The following TP53AIP1 variants were observed in gnomAD, a reference collection of about 807,000 sequenced individuals.
The protein encoded by TP53AIP1 is p53-regulated apoptosis-inducing protein 1.
Under a neutral mutation model 9.5 loss-of-function variants are expected in TP53AIP1, and 14 were observed. That is an observed-to-expected ratio of 1.47 (90% CI 0.97 to 2.30). TP53AIP1 has a LOEUF of 2.30. TP53AIP1 is among the 30% of genes most tolerant of loss of function. The pLI is 0.00. For synonymous variants in TP53AIP1, 73 were observed against 61.2 expected (o/e 1.19, Z -0.90); for missense variants, 153 against 146.7 (o/e 1.04, Z -0.22).
chr11:128,941,317 T>C (rs1428201256), intron 1 of TP53AIP1, among the ~76,000 whole-genome samples: 1 of 152,162 alleles, frequency 6.6e-6, no homozygotes. Flanking sequence ...CCATGGGTTC[T>C]CTGAGACGGA....
Position 128,935,587 on chromosome 11 carries a change from C to A in TP53AIP1, c.*4G>T. 2 of 1,558,172 alleles carry A rather than the reference C, an allele frequency of 1.3e-6. No homozygotes were observed. Among genetic ancestry groups the A allele is most frequent in the South Asian group, 1.2e-5 (1 of 85,482 alleles). Reference sequence around the variant, plus strand: ...AGGCTGGAGTGCAGTGGCGTGATCTCGGCTCACTGCAACCTCAACGGTGCT... The same window carrying A: ...AGGCTGGAGTGCAGTGGCGTGATCTAGGCTCACTGCAACCTCAACGGTGCT... On this transcript the variant is annotated 3_prime_UTR_variant, in exon 4 of 4. Coordinates refer to ENST00000531399, the MANE Select transcript of TP53AIP1 (RefSeq NM_022112.3).
chr11:128,935,685 AAAGGC>A lies in TP53AIP1; in HGVS notation c.276_280del (p.Arg92SerfsTer9). On this transcript the variant is annotated frameshift_variant, in exon 4 of 4. Transcript: ENST00000531399. LOFTEE classifies it low-confidence loss of function (END_TRUNC). Reference sequence around the variant, plus strand: ...TCTAAGCACTGTGGCTCCAGGAAGGAAAGGCCTGGAGAGACCTAGACCAAGGCCTC... The same window carrying A: ...TCTAAGCACTGTGGCTCCAGGAAGGACTGGAGAGACCTAGACCAAGGCCTC... 6.3e-7 allele frequency: 1 copy of A among 1,583,474 alleles called. No homozygotes were observed. Among genetic ancestry groups the A allele is most frequent in the Non-Finnish European group, 8.5e-7 (1 of 1,172,412 alleles).
chr11:128,935,522 G>C lies in TP53AIP1; in HGVS notation c.*69C>G. The C allele has an allele frequency of 2.6e-6, 4 of 1,511,928 alleles. No homozygotes were observed. Among genetic ancestry groups the C allele is most frequent in the Non-Finnish European group, 3.5e-6 (4 of 1,135,626 alleles). The allele number at this position is 1,511,928 out of a possible 1,614,324, so 93.7% of individuals were successfully genotyped here. ...TCTCGACGGTGCTTTCTGTTTGTTT[G>C]TTTGTTTTTGTTTTGAGATGGAGTC... On this transcript the variant is annotated 3_prime_UTR_variant, in exon 4 of 4. Transcript: ENST00000531399.
chr11:128,934,929 G>A (rs1163653976), downstream of TP53AIP1: 9 of 696,960 alleles, frequency 1.3e-5, no homozygotes, highest in Non-Finnish European at 2.1e-5. Context: ...GGGAAGCTGG[G>A]GGATTTACAC....
Position 128,937,801 on chromosome 11 carries a change from C to A in TP53AIP1, c.18G>T (p.Glu6Asp). 5.0e-6 allele frequency: 8 copies of A among 1,611,396 alleles called. No homozygotes were observed. The highest frequency in any genetic ancestry group is 6.8e-6 in the Non-Finnish European group (8 of 1,178,802). ...AAGCTTGAGCAGATCTGAAGCTCGC[C>A]TCAGAGGAAGATCCCATCCAGGGGA... MGSSSEASFRSAQASC... is the reference protein window; with the variant it reads MGSSSDASFRSAQASC... Residue 6 changes from glutamate (E) to aspartate (D), a missense_variant, in exon 2 of 4, where the codon GAG (glutamate) becomes GAT (aspartate). Coordinates refer to ENST00000531399, the MANE Select transcript of TP53AIP1 (RefSeq NM_022112.3). This position sits in a 1 kb window ranked among gnomAD's most constrained non-coding sequence, Gnocchi z 4.8.
At chr11:128,936,382 A>G in intron 3 of TP53AIP1, 156 bp downstream of exon 3, 1 of 1,419,596 alleles carries the variant, frequency 7.0e-7, no homozygotes, top group Non-Finnish European at 9.1e-7. Flanking sequence ...GCAGTTTACA[A>G]CTCTGCCATG....
Position 128,937,917 on chromosome 11 carries a change from A to G in TP53AIP1, c.-76-23T>C, listed in dbSNP as rs573486718. 1.0e-5 allele frequency: 13 copies of G among 1,303,886 alleles called. No individual in the cohort carries two copies. The South Asian group carries it at 1.4e-4, about 14-fold the overall frequency. 80.8% of individuals were successfully genotyped at this position (1,303,886 alleles called of 1,614,324 possible). ...GGACTAAAAACAAACAAAACAGGCT[A>G]TGAACAGAAGCAGTGGTGGCAGCGC... On this transcript the variant is annotated intron_variant, in intron 1 of 3. Coordinates refer to ENST00000531399, the MANE Select transcript of TP53AIP1 (RefSeq NM_022112.3). The surrounding 1 kb of genome is among the most constrained non-coding windows in gnomAD (Gnocchi z 4.8).
Position 128,935,690 on chromosome 11 carries a change from C to A in TP53AIP1, c.276G>T (p.Arg92Ser). Residue 92 changes from arginine to serine, a missense_variant, in exon 4 of 4, where the codon AGG (arginine) becomes AGT (serine). Coordinates refer to ENST00000531399, the MANE Select transcript of TP53AIP1 (RefSeq NM_022112.3). ...GCACTGTGGCTCCAGGAAGGAAAGG[C>A]CTGGAGAGACCTAGACCAAGGCCTC... ...ILTGLGLGLSRPFLPGATVLR... is the reference protein window; with the variant it reads ...ILTGLGLGLSSPFLPGATVLR... 2 of 1,580,828 alleles carry A rather than the reference C, an allele frequency of 1.3e-6. No individual in the cohort carries two copies. Among genetic ancestry groups the A allele is most frequent in the Non-Finnish European group, 1.7e-6 (2 of 1,171,106 alleles).
rs529476381 is a variant in TP53AIP1, at chr11:128,936,940, G to A, written c.142-291C>T. On this transcript the variant is annotated intron_variant, in intron 2 of 3. Transcript: ENST00000531399. ...TTCCTCCCTCCCATCACCACAGCTC[G>A]GGGCTTTGTCACCCCAGCACACCTG... 1.3e-4 allele frequency: 158 copies of A among 1,176,998 alleles called. No individual in the cohort carries two copies. The South Asian group carries it at 2.8e-3, about 21-fold the overall frequency. 72.9% of individuals were successfully genotyped at this position (1,176,998 alleles called of 1,614,324 possible). A position where few individuals can be genotyped will look rare whatever the true frequency, so the allele number is the denominator to read the frequency against.
rs1308929323 is a variant in TP53AIP1 at position 128,939,277 on chromosome 11, C to T, written c.-76-1383G>A. On this transcript the variant is annotated intron_variant, in intron 1 of 3. Coordinates refer to ENST00000531399, the MANE Select transcript of TP53AIP1 (RefSeq NM_022112.3). This position sits in a 1 kb window ranked among gnomAD's most constrained non-coding sequence, Gnocchi z 4.1. ...CCAGGAGACCACAGGCCCTGGACTC[C>T]CAAATCCCAGCAGCAATGCAAAGCC... Among the ~76,000 whole-genome samples, 1 of 152,196 alleles carries T rather than the reference C, an allele frequency of 6.6e-6. No individual in the cohort carries two copies. The highest frequency in any genetic ancestry group is 1.5e-5 in the Non-Finnish European group (1 of 68,038).
At position 128,937,470 on chromosome 11, in the gene TP53AIP1, T is replaced by C. The variant is rs760201934; in HGVS notation, c.141+208A>G. On this transcript the variant is annotated intron_variant, in intron 2 of 3. Transcript: ENST00000531399. The surrounding 1 kb of genome is among the most constrained non-coding windows in gnomAD (Gnocchi z 4.8). ...AGGAGGAGGAGGGCTGGCCTTCCTC[T>C]TGGGACTATTGATCAGGGCTGTCAG... 6.5e-7 allele frequency: 1 copy of C among 1,541,282 alleles called. No individual in the cohort carries two copies. The highest frequency in any genetic ancestry group is 8.8e-7 in the Non-Finnish European group (1 of 1,141,458).
rs950698532 is a variant in TP53AIP1 at position 128,941,216 on chromosome 11, C to T, written c.-77+1578G>A. Among the ~76,000 whole-genome samples, 3 of 152,160 alleles carry T rather than the reference C, an allele frequency of 2.0e-5. No individual in the cohort carries two copies. The South Asian group carries it at 6.2e-4, about 32-fold the overall frequency. The stretch of plus-strand genomic sequence containing the variant: ...TCTGCCGAACAGCTCCTGGGGAAAG[C>T]CCACCACTGTCTTCTTGCCCCGCTC... On this transcript the variant is annotated intron_variant, in intron 1 of 3. Transcript: ENST00000531399.
At chr11:128,940,974 G>T (rs189034266) in intron 1 of TP53AIP1, among the ~76,000 whole-genome samples, 25 of 152,328 alleles carry the variant, frequency 1.6e-4, no homozygotes, top group African/African-American at 5.1e-4. Flanking sequence ...CCCGACTTTG[G>T]AGTAGTCTGA....
chr11:128,937,444 G>T lies in TP53AIP1; in HGVS notation c.141+234C>A. The T allele has an allele frequency of 1.4e-6, 2 of 1,478,388 alleles. No individual in the cohort carries two copies. Among genetic ancestry groups the T allele is most frequent in the Non-Finnish European group, 1.8e-6 (2 of 1,114,106 alleles). 91.6% of individuals were successfully genotyped at this position (1,478,388 alleles called of 1,614,324 possible). ...CTGCCTCCTAGAAACCCAGGATTCC[G>T]AGGAGGAGGAGGGCTGGCCTTCCTC... On this transcript the variant is annotated intron_variant, in intron 2 of 3. Coordinates refer to ENST00000531399, the MANE Select transcript of TP53AIP1 (RefSeq NM_022112.3). The surrounding 1 kb of genome is among the most constrained non-coding windows in gnomAD (Gnocchi z 4.8).
At position 128,937,641 on chromosome 11, in the gene TP53AIP1, GC is replaced by G. The variant is rs1170777445; in HGVS notation, c.141+36del. ...CAGAGTCTGCCCGGGGCTGTGGCAG[GC>G]AAAAGACCGTCTCGGTTTTCACTGC... On this transcript the variant is annotated intron_variant, in intron 2 of 3. Coordinates refer to ENST00000531399, the MANE Select transcript of TP53AIP1 (RefSeq NM_022112.3). The surrounding 1 kb of genome is among the most constrained non-coding windows in gnomAD (Gnocchi z 4.8). 2 of 1,614,052 alleles carry G rather than the reference GC, an allele frequency of 1.2e-6. No homozygotes were observed. The highest frequency in any genetic ancestry group is 3.3e-5 in the Admixed American group (2 of 60,010).
At chr11:128,938,864 G>A (rs1944888222) in intron 1 of TP53AIP1, among the ~76,000 whole-genome samples, 1 of 152,176 alleles carries the variant, frequency 6.6e-6, no homozygotes, top group Non-Finnish European at 1.5e-5. Context: ...TCTCAGGGCA[G>A]CAGGGAGTGG....
rs1944867072 is a variant in TP53AIP1, at chr11:128,937,995, G to T, written c.-76-101C>A. The T allele has an allele frequency of 2.7e-6, 2 of 736,364 alleles. No individual in the cohort carries two copies. The highest frequency in any genetic ancestry group is 4.3e-6 in the Non-Finnish European group (2 of 464,468). The allele number at this position is 736,364 out of a possible 1,614,324, so 45.6% of individuals were successfully genotyped here. Reference sequence around the variant, plus strand: ...TAGGGTTTCAGTTGTACTTGGATCTGGGAGGGGGAAGCCGATGCACCCAGA... The same window carrying T: ...TAGGGTTTCAGTTGTACTTGGATCTTGGAGGGGGAAGCCGATGCACCCAGA... On this transcript the variant is annotated intron_variant, in intron 1 of 3. Transcript: ENST00000531399. This position sits in a 1 kb window ranked among gnomAD's most constrained non-coding sequence, Gnocchi z 4.8.
chr11:128,942,685 A>C (rs564893314), intron 1 of TP53AIP1, 109 bp downstream of exon 1: 1 of 152,432 alleles, frequency 6.6e-6, no homozygotes, highest in South Asian at 2.1e-4. Flanking sequence ...CTTTCCGCAC[A>C]CAGTCGCCGA....
chr11:128,942,417 G>A (rs1944965633), intron 1 of TP53AIP1, among the ~76,000 whole-genome samples: 2 of 152,232 alleles, frequency 1.3e-5, no homozygotes, highest in Admixed American at 6.5e-5. Context: ...CTCAGCGGTC[G>A]GCTAGCTGTG....
Sources: gnomAD v4.1 joint callset for allele counts (sites outside exome capture counted in the v4.1 genomes callset) on GRCh38, gnomAD v4.1.1 for gene constraint, Gnocchi (gnomAD v3.1) non-coding constraint, MANE v1.5 for transcripts, NCBI Gene and HGNC (gene_info 2026-07-23, HGNC 2026-07-21) for gene names.